Variants in PCBP2 observed in about 807,000 individuals in gnomAD.
The protein encoded by PCBP2 is poly(rC)-binding protein 2.
A neutral mutation model predicts 50.1 loss-of-function variants in PCBP2; 4 were observed. The ratio of observed to expected loss-of-function variants is 0.08; its 90% confidence interval spans 0.04 to 0.18. The LOEUF (loss-of-function observed/expected upper bound fraction) is 0.18. PCBP2 is among the 10% of genes least tolerant of loss of function. The pLI is 1.00. For synonymous variants in PCBP2, 179 were observed against 168.0 expected, an observed-to-expected ratio of 1.07 and a Z score of -0.51; for missense variants, 161 against 474.3, an observed-to-expected ratio of 0.34 and a Z score of 6.14.
chr12:53,476,679 A>G (rs1695999134), intron 14 of PCBP2, among the ~76,000 whole-genome samples: 2 of 152,114 alleles, frequency 1.3e-5, no homozygotes, highest in African/African-American at 4.8e-5. Flanking sequence ...TAGTATTCCA[A>G]TATATTATCT....
At chr12:53,456,960 C>T (rs1174000211) in intron 5 of PCBP2, among the ~76,000 whole-genome samples, 1 of 152,190 alleles carries the variant, frequency 6.6e-6, no homozygotes, top group Non-Finnish European at 1.5e-5. Flanking sequence ...CCCCGGGATT[C>T]TGGAAGTCCA....
intron 4 of PCBP2, 98 bp from the exon 5 acceptor site, chr12:53,455,787 G>A: frequency 1.2e-6 from 1 of 833,516 alleles, no homozygotes; most frequent in East Asian, 2.4e-5. Flanking sequence ...CTTTGCATCA[G>A]GATCATGTAC....
intron 13 of PCBP2, among the ~76,000 whole-genome samples, chr12:53,469,449 G>T (rs115449571): frequency 2.0e-5 from 3 of 151,920 alleles, no homozygotes; most frequent in Non-Finnish European, 4.4e-5. Context: ...GGCTGGGCAC[G>T]GTGGCTCACT....
intron 13 of PCBP2, 40 bp from the exon 14 acceptor site, chr12:53,471,598 A>G: frequency 1.3e-6 from 2 of 1,567,880 alleles, no homozygotes; most frequent in Admixed American, 1.8e-5. Flanking sequence ...TAGCCATGCA[A>G]CTCTAATTCG....
At chr12:53,465,569 G>C (rs543329436) in intron 9 of PCBP2, among the ~76,000 whole-genome samples, 1 of 152,304 alleles carries the variant, frequency 6.6e-6, no homozygotes, top group South Asian at 2.1e-4. Context: ...TGAGGGAAGA[G>C]ATCATTATTC....
chr12:53,455,457 A>G lies in PCBP2; in HGVS notation c.94-4A>G, dbSNP rs1175350056. 1 of 1,614,036 alleles carries G rather than the reference A, an allele frequency of 6.2e-7. No individual in the cohort carries two copies. The highest frequency in any genetic ancestry group is 8.5e-7 in the Non-Finnish European group (1 of 1,179,908). ...GGAGCTCATGCTTGACTTTTCCTTT[A>G]CAGAAAGGAGAATCAGTTAAGAAGA... On this transcript the variant is annotated splice_polypyrimidine_tract_variant and splice_region_variant and intron_variant, in intron 3 of 14. Coordinates refer to ENST00000546463, the MANE Select transcript of PCBP2 (RefSeq NM_031989.5).
chr12:53,478,202 T>C (rs1448246572), intron 14 of PCBP2, among the ~76,000 whole-genome samples: 2 of 152,220 alleles, frequency 1.3e-5, no homozygotes. Context: ...TTTTAAGTCC[T>C]GAAAACTTTT....
At chr12:53,452,701 T>C (rs1940645597) in intron 1 of PCBP2, 1 of 151,780 alleles carries the variant, frequency 6.6e-6, no homozygotes. Context: ...GATGGCCGGC[T>C]TGCTGGCCGG....
intron 12 of PCBP2, chr12:53,468,265 C>G: frequency 5.1e-6 from 1 of 196,430 alleles, no homozygotes; most frequent in Non-Finnish European, 1.0e-5. Flanking sequence ...TTCATTCTAT[C>G]TGACCTTCCA....
chr12:53,457,534 CTG>C (rs962981198), intron 5 of PCBP2, among the ~76,000 whole-genome samples: 1 of 151,716 alleles, frequency 6.6e-6, no homozygotes, highest in African/African-American at 2.4e-5. Flanking sequence ...TTTGTAGAGA[CTG>C]AGTCTTCCTG....
At chr12:53,472,007 G>GC (rs1555208277) in intron 14 of PCBP2, among the ~76,000 whole-genome samples, 200 bp downstream of exon 14, 25 of 150,138 alleles carry the variant, frequency 1.7e-4, no homozygotes, top group Admixed American at 6.0e-4. Flanking sequence ...GGGTTGGTGG[G>GC]GGGGGGAGCA....
At chr12:53,475,862 G>A (rs1181055630) in intron 14 of PCBP2, 1 of 152,168 alleles carries the variant, frequency 6.6e-6, no homozygotes. Context: ...CACTAGTGAG[G>A]AAGTTTATCT....
chr12:53,464,595 C>CTT, intron 8 of PCBP2, 165 bp from the exon 9 acceptor site: 7 of 879,564 alleles, frequency 8.0e-6, no homozygotes, highest in East Asian at 6.4e-5. Flanking sequence ...CACTAGGTAA[C>CTT]TTTTTTTTTT....
At position 53,478,032 on chromosome 12, in the gene PCBP2, C is replaced by T. The variant is rs563833186; in HGVS notation, c.1053-1374C>T. Among the ~76,000 whole-genome samples the T allele has an allele frequency of 6.6e-5, 10 of 152,294 alleles. 1 individual carries two copies. The highest frequency in any genetic ancestry group is 2.4e-4 in the African/African-American group (10 of 41,570). ...CATACTGAGTACTTAAATACTTTTCCCTGAAAGCCCTAAATTGGATTCCAG... is the reference window on the plus strand; with the variant it reads ...CATACTGAGTACTTAAATACTTTTCTCTGAAAGCCCTAAATTGGATTCCAG... On this transcript the variant is annotated intron_variant, in intron 14 of 14. Transcript: ENST00000546463.
Position 53,461,587 on chromosome 12 carries a change from A to G in PCBP2, c.504+444A>G, listed in dbSNP as rs550884450. Among the ~76,000 whole-genome samples the G allele has an allele frequency of 2.0e-5, 3 of 152,350 alleles. No individual in the cohort carries two copies. In the South Asian group the frequency reaches 6.2e-4, roughly 32 times the overall value. On this transcript the variant is annotated intron_variant, in intron 7 of 14. Transcript: ENST00000546463. ...AATGTATGTATGATGATGTTTCCGA[A>G]TGACTTACAAGGTCCTGATTATACA...
intron 6 of PCBP2, chr12:53,459,747 T>A (rs1367216457): frequency 3.3e-6 from 1 of 303,760 alleles, no homozygotes; most frequent in African/African-American, 2.2e-5. Flanking sequence ...TTCTATTTTT[T>A]AATTTTTAAC....
At chr12:53,453,683 A>G (rs996757079) in intron 1 of PCBP2, among the ~76,000 whole-genome samples, 16 of 152,218 alleles carry the variant, frequency 1.1e-4, no homozygotes, top group African/African-American at 3.6e-4. Context: ...TTAAAATGTC[A>G]TTGGGGACAT....
At position 53,461,065 on chromosome 12, in the gene PCBP2, T is replaced by G; in HGVS notation, c.426T>G (p.Thr142=). ...CAGGGGATATGCTACCCAACTCAAC[T>G]GAGCGGGCCATCACTATTGCTGGCA... is the stretch of plus-strand genomic sequence containing the variant. ...QVAGDMLPNS[T]ERAITIAGIP... is the part of the protein sequence containing the mutation. The change falls in exon 7 of 15, where the codon ACT becomes ACG. Residue 142 remains threonine, a synonymous_variant. Coordinates refer to ENST00000546463, the MANE Select transcript of PCBP2 (RefSeq NM_031989.5). The G allele has an allele frequency of 6.2e-7, 1 of 1,614,036 alleles. No individual in the cohort carries two copies. The highest frequency in any genetic ancestry group is 8.5e-7 in the Non-Finnish European group (1 of 1,180,014).
chr12:53,455,394 C>T (rs1437901254), intron 3 of PCBP2, 24 bp downstream of exon 3: 1 of 1,613,346 alleles, frequency 6.2e-7, no homozygotes, highest in South Asian at 1.1e-5. Context: ...ACTTCAACTT[C>T]AATTACCATT....
Sources: allele counts gnomAD v4.1 joint callset (sites outside exome capture counted in the v4.1 genomes callset), GRCh38; gene constraint gnomAD v4.1.1; transcripts MANE v1.5; gene names NCBI Gene and HGNC (gene_info 2026-07-23, HGNC 2026-07-21).